SLC26A5: variants seen among roughly 807,000 people sequenced by gnomAD.
SLC26A5 encodes the protein prestin.
Under a neutral mutation model 81.0 loss-of-function variants are expected in SLC26A5, and 51 were observed. The observed-to-expected ratio is 0.63, with a 90% CI of 0.50 to 0.80. The LOEUF is 0.80. Ranked by LOEUF, SLC26A5 falls within the 30% of genes least tolerant of loss-of-function variation. SLC26A5 has a pLI of 0.00. For synonymous variants in SLC26A5, 325 were observed against 332.8 expected, an observed-to-expected ratio of 0.98 and a Z score of 0.25; for missense variants, 771 against 905.8, an observed-to-expected ratio of 0.85 and a Z score of 1.91.
At chr7:103,377,551 G>A (rs541882462) in intron 18 of SLC26A5, 48 bp downstream of exon 18, 6 of 1,512,956 alleles carry the variant, frequency 4.0e-6, no homozygotes, top group African/African-American at 1.4e-5. Context: ...CTGATAGTAC[G>A]ACACCAGGCA....
Position 103,411,527 on chromosome 7 carries a change from C to T in SLC26A5, c.463G>A (p.Asp155Asn). The T allele has an allele frequency of 6.2e-7, 1 of 1,614,170 alleles. No homozygotes were observed. Among genetic ancestry groups the T allele is most frequent in the Non-Finnish European group, 8.5e-7 (1 of 1,180,038 alleles). ...GGVAVRLVPD[D>N]IVIPGGVNAT... Reference sequence around the variant, plus strand: ...TTTACTCCTCCTGGAATGACTATATCATCTGGTACTAATCGAACAGCTACA... The same window carrying T: ...TTTACTCCTCCTGGAATGACTATATTATCTGGTACTAATCGAACAGCTACA... The change falls in exon 6 of 20, where the codon GAT (aspartate) becomes AAT (asparagine). Residue 155 changes from aspartate (D) to asparagine (N), a missense_variant. Transcript: ENST00000306312.
intron 19 of SLC26A5, among the ~76,000 whole-genome samples, chr7:103,360,877 C>G (rs989668344): frequency 6.9e-6 from 1 of 143,966 alleles, no homozygotes; most frequent in African/African-American, 2.6e-5. Context: ...TTTGGGAGGC[C>G]GAAGCAGGTG....
intron 8 of SLC26A5, among the ~76,000 whole-genome samples, chr7:103,406,626 G>T (rs908231462): frequency 6.6e-6 from 1 of 151,878 alleles, no homozygotes; most frequent in African/African-American, 2.4e-5. Flanking sequence ...GTTCCTATTC[G>T]GCCATCTTGC....
intron 8 of SLC26A5, among the ~76,000 whole-genome samples, chr7:103,405,786 C>G (rs1471750131): frequency 1.3e-5 from 2 of 152,244 alleles, no homozygotes; most frequent in African/African-American, 4.8e-5. Context: ...ACAGCTGCCC[C>G]TTCCCCCAGG....
At chr7:103,384,225 C>T (rs1822012703) in intron 14 of SLC26A5, among the ~76,000 whole-genome samples, 1 of 152,082 alleles carries the variant, frequency 6.6e-6, no homozygotes. Context: ...CTCAGCAATC[C>T]TCCTGCCTTG....
At chr7:103,366,070 C>T (rs1820704306) in intron 19 of SLC26A5, 3 of 1,606,338 alleles carry the variant, frequency 1.9e-6, no homozygotes, top group Non-Finnish European at 2.5e-6. Context: ...TCATTTTTCT[C>T]ATTAGGGGGC....
At chr7:103,414,755 A>G (rs969742790) in intron 4 of SLC26A5, among the ~76,000 whole-genome samples, 2 of 152,192 alleles carry the variant, frequency 1.3e-5, no homozygotes, top group African/African-American at 2.4e-5. Context: ...AAGTTTTTTA[A>G]AAACTAGTTT....
intron 2 of SLC26A5, among the ~76,000 whole-genome samples, chr7:103,434,211 A>T (rs1219235853): frequency 6.6e-6 from 1 of 152,124 alleles, no homozygotes; most frequent in East Asian, 1.9e-4. Context: ...AAATGTCTTC[A>T]TTTCACCCTC....
chr7:103,425,345 T>G (rs1324931143), intron 2 of SLC26A5, among the ~76,000 whole-genome samples: 2 of 152,166 alleles, frequency 1.3e-5, no homozygotes, highest in African/African-American at 4.8e-5. Context: ...ACACTAATGC[T>G]TAGGATCCAC....
intron 8 of SLC26A5, among the ~76,000 whole-genome samples, chr7:103,401,945 G>T (rs1823624369): frequency 6.6e-6 from 1 of 152,150 alleles, no homozygotes; most frequent in Admixed American, 6.5e-5. Flanking sequence ...ATGTGCTGCT[G>T]GATTCAGTTT....
intron 19 of SLC26A5, chr7:103,353,858 C>A: frequency 7.0e-7 from 1 of 1,430,480 alleles, no homozygotes; most frequent in South Asian, 1.2e-5. Context: ...GCTCTAGTTT[C>A]TTTTTTAAAA....
intron 19 of SLC26A5, chr7:103,353,834 C>G: frequency 8.8e-7 from 1 of 1,133,298 alleles, no homozygotes; most frequent in South Asian, 1.4e-5. Flanking sequence ...CAATTTGAAT[C>G]GAACAGAAAA....
chr7:103,358,982 G>A (rs1478414168), intron 19 of SLC26A5, among the ~76,000 whole-genome samples: 3 of 149,140 alleles, frequency 2.0e-5, no homozygotes, highest in Non-Finnish European at 4.5e-5. Flanking sequence ...TTTTTAGCTT[G>A]TGAATTTTTT....
chr7:103,357,911 G>A (rs1338746435), intron 19 of SLC26A5, among the ~76,000 whole-genome samples: 2 of 151,926 alleles, frequency 1.3e-5, no homozygotes, highest in Admixed American at 6.6e-5. Context: ...GTGTTCTCTC[G>A]GTTTCATTTT....
In SLC26A5 at chr7:103,421,222, C is replaced by T. The variant is rs569144454; in HGVS notation, c.152+141G>A. The T allele has an allele frequency of 1.3e-4, 116 of 925,416 alleles. No homozygotes were observed. The East Asian group carries it at 1.3e-3, about 11-fold the overall frequency. The allele number at this position is 925,416 out of a possible 1,614,324, so 57.3% of individuals were successfully genotyped here. A position where few individuals can be genotyped will look rare whatever the true frequency, so the allele number is the denominator to read the frequency against. ...CAAATATCTAACGCTGACTGAACCT[C>T]GTGAACAGCTTTGCAAACCATGATG... On this transcript the variant is annotated intron_variant, in intron 3 of 19. Transcript: ENST00000306312.
rs193264289 is a variant in SLC26A5, at chr7:103,357,630, A to G, written c.2042-4704T>C. Among the ~76,000 whole-genome samples, 284 of 152,150 alleles carry G rather than the reference A, an allele frequency of 1.9e-3. 5 individuals are homozygous for G. Among genetic ancestry groups the G allele is most frequent in the Admixed American group, 0.017 (266 of 15,284 alleles). On this transcript the variant is annotated intron_variant, in intron 19 of 19. Transcript: ENST00000339444. ...CTCATCCTTCCTATGTAATTCTGTT[A>G]TAATTTTGGTTAGATCAGTATTCAG...
downstream of SLC26A5, among the ~76,000 whole-genome samples, chr7:103,370,061 G>T (rs570142083): frequency 1.3e-5 from 2 of 152,024 alleles, no homozygotes; most frequent in Non-Finnish European, 2.9e-5. Flanking sequence ...GGATTGGAGG[G>T]GTTTCAAAAC....
At position 103,382,377 on chromosome 7, in the gene SLC26A5, T is replaced by A. The variant is rs1395274335; in HGVS notation, c.1515-1828A>T. Reference sequence around the variant, plus strand: ...TTTTTTTTTTTTTTTTGAGGCGGAGTCTTATCCTGTTGCCCAGGCTGGAGT... The same window carrying A: ...TTTTTTTTTTTTTTTTGAGGCGGAGACTTATCCTGTTGCCCAGGCTGGAGT... On this transcript the variant is annotated intron_variant, in intron 14 of 19. Coordinates refer to ENST00000306312, the MANE Select transcript of SLC26A5 (RefSeq NM_198999.3). Among the ~76,000 whole-genome samples, 3 of 123,474 alleles carry A rather than the reference T, an allele frequency of 2.4e-5. No individual in the cohort carries two copies. The East Asian group carries it at 6.7e-4, about 27-fold the overall frequency. The allele number at this position is 123,474 out of a possible 152,430, so 81.0% of individuals were successfully genotyped here. A position where few individuals can be genotyped will look rare whatever the true frequency, so the allele number is the denominator to read the frequency against.
At chr7:103,362,467 C>G in intron 19 of SLC26A5, 1 of 1,387,496 alleles carries the variant, frequency 7.2e-7, no homozygotes, top group Non-Finnish European at 9.3e-7. Context: ...TCCCCTCCCT[C>G]CTCAAAGGTT....
Sources: gnomAD v4.1 joint callset for allele counts (sites outside exome capture counted in the v4.1 genomes callset) on GRCh38, gnomAD v4.1.1 for gene constraint, MANE v1.5 for transcripts, NCBI Gene and HGNC (gene_info 2026-07-23, HGNC 2026-07-21) for gene names.